SVEP1: variants seen among roughly 807,000 people sequenced by gnomAD.
SVEP1 encodes the protein sushi, von Willebrand factor type A, EGF and pentraxin domain-containing protein 1.
SVEP1 carries 164 observed loss-of-function variants against 367.3 expected under a neutral mutation model. That is an observed-to-expected ratio of 0.45 (90% confidence interval 0.39 to 0.51). The LOEUF is 0.51. Ranked by LOEUF, SVEP1 falls within the 20% of genes least tolerant of loss-of-function variation. The pLI is 0.00. For missense variants in SVEP1, 4,117 were observed against 4,425.3 expected, an observed-to-expected ratio of 0.93 and a Z score of 1.98; for synonymous variants, 1,666 against 1,611.6, an observed-to-expected ratio of 1.03 and a Z score of -0.81.
intron 18 of SVEP1, among the ~76,000 whole-genome samples, chr9:110,463,475 G>A (rs1248071790): frequency 6.6e-6 from 1 of 151,654 alleles, no homozygotes; most frequent in Non-Finnish European, 1.5e-5. Context: ...CAAAAGCAAT[G>A]TCTTAGCACA....
intron 8 of SVEP1, among the ~76,000 whole-genome samples, chr9:110,490,884 T>G (rs1363646610): frequency 6.6e-6 from 1 of 152,036 alleles, no homozygotes; most frequent in African/African-American, 2.4e-5. Context: ...GAATTGTATG[T>G]TTATTTTCTT....
intron 34 of SVEP1, 80 bp downstream of exon 34, chr9:110,429,840 C>A: frequency 8.5e-7 from 1 of 1,176,996 alleles, no homozygotes; most frequent in Non-Finnish European, 1.2e-6. Flanking sequence ...TATTTTCCCA[C>A]CCCCTTTCTT....
At position 110,407,165 on chromosome 9, in the gene SVEP1, C is replaced by T. The variant is rs1188752825; in HGVS notation, c.8435G>A (p.Arg2812Lys). ...GTTTTTGTCATCCTGGCATGTTCTCCTCTCAGTGCCATTCAGCACATATCC... is the reference window on the plus strand; with the variant it reads ...GTTTTTGTCATCCTGGCATGTTCTCTTCTCAGTGCCATTCAGCACATATCC... The part of the protein sequence containing the change: ...DPGYVLNGTE[R>K]RTCQDDKNWD... Residue 2812 changes from arginine (R) to lysine (K), a missense_variant, in exon 38 of 48, where the codon AGG (arginine) becomes AAG (lysine). This residue lies in a region of SVEP1 where 1,765 missense variants were observed against 1,781.1 expected (regional missense o/e 0.99). Coordinates refer to ENST00000374469, the MANE Select transcript of SVEP1 (RefSeq NM_153366.4). The T allele has an allele frequency of 6.2e-7, 1 of 1,614,000 alleles. No individual in the cohort carries two copies. Among genetic ancestry groups the T allele is most frequent in the Non-Finnish European group, 8.5e-7 (1 of 1,179,884 alleles).
intron 46 of SVEP1, among the ~76,000 whole-genome samples, chr9:110,373,099 G>C (rs1319242118): frequency 6.6e-6 from 1 of 152,186 alleles, no homozygotes; most frequent in Non-Finnish European, 1.5e-5. Context: ...AACCTCAGAT[G>C]AAAGGGAGGG....
chr9:110,379,347 C>G lies in SVEP1; in HGVS notation c.10408G>C (p.Ala3470Pro). The change falls in exon 44 of 48, where the codon GCT becomes CCT. Residue 3470 changes from alanine to proline, a missense_variant and splice_region_variant. By Grantham distance (27) the Ala-to-Pro change is conservative (BLOSUM62 -1). Transcript: ENST00000374469. ...GTWTSPPICR[A>P]VCRFPCQNGG... Reference sequence around the variant, plus strand: ...AATAACCATTCAAATATTTCCTTACCTCTGCAAATAGGAGGTGATGTCCAT... The same window carrying G: ...AATAACCATTCAAATATTTCCTTACGTCTGCAAATAGGAGGTGATGTCCAT... 1 of 1,613,146 alleles carries G rather than the reference C, an allele frequency of 6.2e-7. No homozygotes were observed.
intron 32 of SVEP1, 67 bp downstream of exon 32, chr9:110,431,848 C>T: frequency 6.3e-7 from 1 of 1,583,734 alleles, no homozygotes. Context: ...AAATAACATA[C>T]ACTTAAAATA....
intron 3 of SVEP1, among the ~76,000 whole-genome samples, chr9:110,543,278 T>C (rs1478610257): frequency 6.6e-6 from 1 of 152,186 alleles, no homozygotes; most frequent in Non-Finnish European, 1.5e-5. Context: ...AAAATTTGTG[T>C]TGATGCAACT....
intron 40 of SVEP1, among the ~76,000 whole-genome samples, chr9:110,398,477 C>A (rs903837941): frequency 5.3e-5 from 8 of 152,182 alleles, no homozygotes; most frequent in East Asian, 1.9e-4. Context: ...GCAACAAAAG[C>A]CAAAATTGAC....
chr9:110,400,351 T>G (rs1827838651), intron 40 of SVEP1, among the ~76,000 whole-genome samples: 1 of 151,404 alleles, frequency 6.6e-6, no homozygotes, highest in Non-Finnish European at 1.5e-5. Context: ...TTCATGTTTT[T>G]TATTTGAGAC....
chr9:110,505,651 T>C (rs1829614035), intron 5 of SVEP1, among the ~76,000 whole-genome samples: 1 of 152,140 alleles, frequency 6.6e-6, no homozygotes, highest in African/African-American at 2.4e-5. Context: ...TATCATATTA[T>C]ATATCCAATA....
At chr9:110,574,421 T>A (rs1188748016) in intron 1 of SVEP1, among the ~76,000 whole-genome samples, 1 of 152,238 alleles carries the variant, frequency 6.6e-6, no homozygotes, top group African/African-American at 2.4e-5. Context: ...CAATCAGTTA[T>A]AATAATACCA....
At chr9:110,432,766 C>T in intron 30 of SVEP1, 131 bp from the exon 31 acceptor site, 1 of 1,058,024 alleles carries the variant, frequency 9.5e-7, no homozygotes, top group South Asian at 1.7e-5. Context: ...CTGAGGGTGT[C>T]CTAGGGATAG....
chr9:110,552,722 T>C (rs1156841121), intron 1 of SVEP1, among the ~76,000 whole-genome samples: 1 of 152,148 alleles, frequency 6.6e-6, no homozygotes, highest in Admixed American at 6.5e-5. Context: ...AATGCTCACT[T>C]GCCCACTGCT....
intron 16 of SVEP1, among the ~76,000 whole-genome samples, chr9:110,470,445 A>G (rs1828999126): frequency 6.6e-6 from 1 of 151,434 alleles, no homozygotes. Flanking sequence ...TTTTATTTTT[A>G]TTTTTGAGAG....
intron 5 of SVEP1, among the ~76,000 whole-genome samples, chr9:110,510,185 G>A (rs1829685812): frequency 6.6e-6 from 1 of 152,196 alleles, no homozygotes; most frequent in Non-Finnish European, 1.5e-5. Context: ...CAGAGCCACA[G>A]GGGCATAACT....
At chr9:110,403,038 A>T (rs924457209) in intron 39 of SVEP1, among the ~76,000 whole-genome samples, 4 of 152,166 alleles carry the variant, frequency 2.6e-5, no homozygotes, top group Non-Finnish European at 4.4e-5. Context: ...ATAAAAAAAT[A>T]AGCTGAAGGA....
intron 13 of SVEP1, among the ~76,000 whole-genome samples, chr9:110,477,637 C>T (rs1403372448): frequency 1.3e-5 from 2 of 152,162 alleles, no homozygotes; most frequent in African/African-American, 4.8e-5. Flanking sequence ...CGTTCACACA[C>T]TTCCATCCCC....
chr9:110,389,624 C>G (rs1827594495), intron 40 of SVEP1, 37 bp from the exon 41 acceptor site: 1 of 1,608,678 alleles, frequency 6.2e-7, no homozygotes, highest in South Asian at 1.1e-5. Context: ...AAGATCATAA[C>G]TCTACAATAG....
rs530251802 is a variant in SVEP1 at position 110,470,853 on chromosome 9, T to C, written c.2998+511A>G. Among the ~76,000 whole-genome samples, 14 of 151,996 alleles carry C rather than the reference T, an allele frequency of 9.2e-5. No individual in the cohort carries two copies. In the South Asian group the frequency reaches 2.3e-3, roughly 25 times the overall value. On this transcript the variant is annotated intron_variant, in intron 16 of 47. Coordinates refer to ENST00000374469, the MANE Select transcript of SVEP1 (RefSeq NM_153366.4). ...TGCAGGTTTCTTATGTATGTATACA[T>C]GTGCCATGTTGGTGTGCTGCACCCA...
Sources: gnomAD v4.1 joint callset for allele counts (sites outside exome capture counted in the v4.1 genomes callset) on GRCh38, gnomAD v4.1.1 for gene constraint, gnomAD v4.1.1 regional missense constraint, MANE v1.5 for transcripts, NCBI Gene and HGNC (gene_info 2026-07-23, HGNC 2026-07-21) for gene names.